Variants in BCO1 observed in about 807,000 individuals in gnomAD.
BCO1 encodes the protein beta,beta-carotene 15,15'-dioxygenase.
Under a neutral mutation model 56.3 loss-of-function variants are expected in BCO1, and 54 were observed. The ratio of observed to expected loss-of-function variants is 0.96; its 90% CI spans 0.77 to 1.20. BCO1 has a LOEUF of 1.20. Among genes scored for constraint, BCO1 ranks in the 50% most tolerant of loss-of-function variants. BCO1 has a pLI of 0.00. For missense variants in BCO1, 801 were observed against 690.9 expected, an observed-to-expected ratio of 1.16 and a Z score of -1.79; for synonymous variants, 318 against 266.1, an observed-to-expected ratio of 1.20 and a Z score of -1.90.
At chr16:81,262,540 G>A (rs1029162404) in intron 4 of BCO1, 5 of 453,220 alleles carry the variant, frequency 1.1e-5, no homozygotes, top group Non-Finnish European at 2.1e-5. Flanking sequence ...TTAAACAACA[G>A]AAATTGGCTG....
chr16:81,239,187 G>A (rs1008856228), intron 1 of BCO1, among the ~76,000 whole-genome samples: 1 of 151,530 alleles, frequency 6.6e-6, no homozygotes, highest in Non-Finnish European at 1.5e-5. Flanking sequence ...CGGCTAATCT[G>A]TGTGTTTTTA....
At chr16:81,263,864 T>C (rs148606211) in intron 4 of BCO1, 48 of 152,562 alleles carry the variant, frequency 3.1e-4, no homozygotes, top group African/African-American at 1.1e-3. Context: ...GAGGCTTTTC[T>C]TAGCTGTGAA....
intron 2 of BCO1, among the ~76,000 whole-genome samples, chr16:81,255,857 G>A (rs894837070): frequency 1.3e-5 from 2 of 151,140 alleles, no homozygotes; most frequent in African/African-American, 2.4e-5. Flanking sequence ...ATTGAGTCTC[G>A]CTCTGTTGCC....
intron 8 of BCO1, among the ~76,000 whole-genome samples, chr16:81,282,508 G>C (rs1907940429): frequency 6.6e-6 from 1 of 152,122 alleles, no homozygotes; most frequent in African/African-American, 2.4e-5. Context: ...GATGACCCTT[G>C]GATTTGACCT....
At chr16:81,281,070 A>G (rs555716185) in intron 8 of BCO1, 108 bp downstream of exon 8, 1 of 799,832 alleles carries the variant, frequency 1.3e-6, no homozygotes, top group South Asian at 1.5e-5. Flanking sequence ...CAAGGGCCAA[A>G]AAGGAAAGGG....
chr16:81,261,873 C>G (rs890923441), intron 3 of BCO1: 1 of 393,988 alleles, frequency 2.5e-6, no homozygotes, highest in Non-Finnish European at 4.9e-6. Flanking sequence ...TCCCGAGTAG[C>G]TGGGACTACA....
intron 2 of BCO1, among the ~76,000 whole-genome samples, chr16:81,249,736 A>C (rs1319410132): frequency 6.6e-6 from 1 of 152,178 alleles, no homozygotes; most frequent in South Asian, 2.1e-4. Context: ...ATTGGCTGGG[A>C]AAATAGGAAA....
intron 9 of BCO1, among the ~76,000 whole-genome samples, chr16:81,286,805 G>C (rs1165134617): frequency 1.3e-5 from 2 of 149,964 alleles, no homozygotes; most frequent in African/African-American, 4.9e-5. Flanking sequence ...GGCCGGGCGC[G>C]GTGGCTCACA....
intron 6 of BCO1, among the ~76,000 whole-genome samples, chr16:81,268,816 T>A (rs2082331506): frequency 6.6e-6 from 1 of 152,038 alleles, no homozygotes; most frequent in African/African-American, 2.4e-5. Context: ...TGTTGCTCTG[T>A]CACCCAGGCT....
At chr16:81,269,831 G>T (rs1907072499) in intron 6 of BCO1, among the ~76,000 whole-genome samples, 1 of 152,184 alleles carries the variant, frequency 6.6e-6, no homozygotes, top group Non-Finnish European at 1.5e-5. Flanking sequence ...CATTGCCAGG[G>T]AGCTGGGATG....
chr16:81,290,634 G>A lies in BCO1; in HGVS notation c.*57G>A. ...TCGGCTGTCAGAACTCCATGGATATGTTTCTTTGGATGGAGGGGAGGGCCT... is the reference window on the plus strand; with the variant it reads ...TCGGCTGTCAGAACTCCATGGATATATTTCTTTGGATGGAGGGGAGGGCCT... On this transcript the variant is annotated 3_prime_UTR_variant, in exon 11 of 11. Transcript: ENST00000258168. 1.4e-6 allele frequency: 2 copies of A among 1,411,408 alleles called. No individual in the cohort carries two copies. The highest frequency in any genetic ancestry group is 2.0e-6 in the Non-Finnish European group (2 of 1,009,242). 87.4% of individuals were successfully genotyped at this position (1,411,408 alleles called of 1,614,324 possible). A position where few individuals can be genotyped will look rare whatever the true frequency, so the allele number is the denominator to read the frequency against.
intron 7 of BCO1, among the ~76,000 whole-genome samples, chr16:81,272,965 C>T (rs547392346): frequency 6.6e-5 from 10 of 152,012 alleles, no homozygotes; most frequent in African/African-American, 2.2e-4. Context: ...CTCTAAACCC[C>T]CATTTTTTTT....
intron 1 of BCO1, among the ~76,000 whole-genome samples, chr16:81,240,453 C>G (rs1905059779): frequency 6.6e-6 from 1 of 152,092 alleles, no homozygotes; most frequent in African/African-American, 2.4e-5. Flanking sequence ...CGCCTGTGGT[C>G]CCAGCACTTT....
chr16:81,287,919 G>A (rs776782652), intron 10 of BCO1, among the ~76,000 whole-genome samples: 1 of 152,142 alleles, frequency 6.6e-6, no homozygotes, highest in African/African-American at 2.4e-5. Context: ...ACTCAGTCAT[G>A]TAAACATGGT....
intron 8 of BCO1, among the ~76,000 whole-genome samples, chr16:81,282,700 G>A (rs986675369): frequency 6.7e-6 from 1 of 150,204 alleles, no homozygotes; most frequent in African/African-American, 2.5e-5. Flanking sequence ...AGAAGACCAC[G>A]CTTGTTTATT....
chr16:81,275,833 C>A lies in BCO1; in HGVS notation c.1102-5024C>A, dbSNP rs1907519601. 2.0e-5 allele frequency among the ~76,000 whole-genome samples: 3 copies of A among 152,176 alleles called. No homozygotes were observed. In the South Asian group the frequency reaches 6.2e-4, roughly 31 times the overall value. On this transcript the variant is annotated intron_variant, in intron 7 of 10. Transcript: ENST00000258168. ...GGGACCAGCTGGGGTCAAAGGAAGG[C>A]AGGGCTGGCAGGGCCTCTGGGCACC...
intron 2 of BCO1, among the ~76,000 whole-genome samples, chr16:81,252,432 T>A (rs1905864620): frequency 6.6e-6 from 1 of 152,136 alleles, no homozygotes; most frequent in South Asian, 2.1e-4. Context: ...ATTTTTATAT[T>A]TTCAGTAGAG....
intron 4 of BCO1, chr16:81,264,190 A>G (rs888236148): frequency 1.1e-5 from 3 of 261,196 alleles, no homozygotes; most frequent in African/African-American, 6.6e-5. Flanking sequence ...GCAATGCAAA[A>G]GGGCAGAATT....
In BCO1 at chr16:81,269,758, T is replaced by C. The variant is rs185727617; in HGVS notation, c.844-401T>C. 1.4e-4 allele frequency among the ~76,000 whole-genome samples: 22 copies of C among 152,332 alleles called. No individual in the cohort carries two copies. In the East Asian group the frequency reaches 4.1e-3, roughly 28 times the overall value. ...GCTGGGATTACAGCATGAGCCACTG[T>C]GCCCTGCCAAGGCTCCAGTCTTAGA... is the stretch of plus-strand genomic sequence containing the variant. On this transcript the variant is annotated intron_variant, in intron 6 of 10. Transcript: ENST00000258168.
Sources: allele counts gnomAD v4.1 joint callset (sites outside exome capture counted in the v4.1 genomes callset), GRCh38; gene constraint gnomAD v4.1.1; transcripts MANE v1.5; gene names NCBI Gene and HGNC (gene_info 2026-07-23, HGNC 2026-07-21).